Variants in OSBPL5 observed in about 807,000 individuals in gnomAD.
OSBPL5 encodes the protein oxysterol binding protein like 5.
In OSBPL5, 71 loss-of-function variants were observed where a neutral mutation model predicts 111.2. The observed-to-expected ratio is 0.64, with a 90% CI of 0.53 to 0.78. The LOEUF is 0.78. OSBPL5 is among the 30% of genes least tolerant of loss of function. OSBPL5 has a pLI of 0.00. For synonymous variants in OSBPL5, 549 were observed against 513.9 expected (o/e 1.07, Z -0.93); for missense variants, 1,210 against 1,189.3 (o/e 1.02, Z -0.26).
Position 3,092,539 on chromosome 11 carries a change from G to C in OSBPL5, c.2152C>G (p.Leu718Val). 1 of 1,590,676 alleles carries C rather than the reference G, an allele frequency of 6.3e-7. No homozygotes were observed. Among genetic ancestry groups the C allele is most frequent in the Non-Finnish European group, 8.6e-7 (1 of 1,168,710 alleles). The part of the protein sequence containing the change: ...RYEDHSPWDP[L>V]KDIAQFEQDG... ...TGCTCAAACTGGGCGATGTCCTTCA[G>C]GGGGTCCCAGGGGCTGTGGCTGGAG... Residue 718 changes from leucine (L) to valine (V), a missense_variant, in exon 19 of 22, where the codon CTG (leucine) becomes GTG (valine). By Grantham distance (32) the Leu-to-Val change is conservative (BLOSUM62 1). Transcript: ENST00000263650. The surrounding 1 kb of genome is among the most constrained non-coding windows in gnomAD (Gnocchi z 5.4).
intron 1 of OSBPL5, among the ~76,000 whole-genome samples, chr11:3,160,755 G>A (rs928358698): frequency 2.8e-5 from 4 of 143,494 alleles, no homozygotes; most frequent in Non-Finnish European, 4.5e-5. Flanking sequence ...GGGATACTGA[G>A]CTCTCCCTCC....
intron 1 of OSBPL5, chr11:3,160,883 C>G (rs1383887742): frequency 1.3e-5 from 2 of 152,186 alleles, no homozygotes; most frequent in African/African-American, 2.4e-5. Flanking sequence ...TCTGGAGGCC[C>G]GTTCCCGCCT....
rs754468226 is a variant in OSBPL5, at chr11:3,122,102, G to A, written c.301-4C>T. 1.3e-6 allele frequency: 2 copies of A among 1,560,972 alleles called. No individual in the cohort carries two copies. The highest frequency in any genetic ancestry group is 4.7e-5 in the East Asian group (2 of 42,720). On this transcript the variant is annotated splice_polypyrimidine_tract_variant and splice_region_variant and intron_variant, in intron 4 of 21. Coordinates refer to ENST00000263650, the MANE Select transcript of OSBPL5 (RefSeq NM_020896.4). ...GCCGGTAGTTCTCCTTCTGCGCCTG[G>A]GCCCGGGGCACCCGCGGTGGGTCAT...
chr11:3,117,802 T>G (rs563600827), intron 7 of OSBPL5, among the ~76,000 whole-genome samples: 1 of 152,332 alleles, frequency 6.6e-6, no homozygotes, highest in Admixed American at 6.5e-5. Flanking sequence ...TGTGCTTTCT[T>G]AAAGCCCTGC....
At chr11:3,090,428 G>A (rs1328590329) in intron 20 of OSBPL5, 130 bp downstream of exon 20, 1 of 1,306,408 alleles carries the variant, frequency 7.7e-7, no homozygotes, top group Non-Finnish European at 1.1e-6. Context: ...CCTCAGGGCA[G>A]CAGAGGAGCT....
Position 3,094,318 on chromosome 11 carries a change from C to A in OSBPL5, c.1638G>T (p.Thr546=), listed in dbSNP as rs563080709. 311 of 1,613,454 alleles carry A rather than the reference C, an allele frequency of 1.9e-4. 7 individuals are homozygous for A. In the South Asian group the frequency reaches 3.2e-3, roughly 17 times the overall value. Residue 546 remains threonine, a synonymous_variant, in exon 15 of 22, where the codon ACG becomes ACT. Coordinates refer to ENST00000263650, the MANE Select transcript of OSBPL5 (RefSeq NM_020896.4). The part of the protein sequence containing the change: ...YAHCKGILYG[T]MTLELGGKVT... ...CCTTCCCACCCAGCTCCAGGGTCATCGTGCCATACAGGATTCCTGAAATGC... is the reference window on the plus strand; with the variant it reads ...CCTTCCCACCCAGCTCCAGGGTCATAGTGCCATACAGGATTCCTGAAATGC...
chr11:3,127,842 C>G (rs1858683139), intron 2 of OSBPL5, among the ~76,000 whole-genome samples: 1 of 152,182 alleles, frequency 6.6e-6, no homozygotes, highest in South Asian at 2.1e-4. Flanking sequence ...ACACCCACCC[C>G]ACTCCCTTGG....
intron 1 of OSBPL5, among the ~76,000 whole-genome samples, chr11:3,143,269 G>C (rs1345451791): frequency 1.3e-5 from 2 of 151,518 alleles, no homozygotes; most frequent in African/African-American, 4.9e-5. Context: ...CGGGGCAGAG[G>C]AGGCAGGTAC....
In OSBPL5 at chr11:3,105,023, T is replaced by G. The variant is rs1217697947; in HGVS notation, c.1060-646A>C. ...CCTCATCTCTTCCTTTTCTGAGACA[T>G]CTAACCCTCACCACAGCTCCAGAAT... is the stretch of plus-strand genomic sequence containing the variant. On this transcript the variant is annotated intron_variant, in intron 9 of 21. Transcript: ENST00000263650. This position sits in a 1 kb window ranked among gnomAD's most constrained non-coding sequence, Gnocchi z 5.2. 6.6e-6 allele frequency among the ~76,000 whole-genome samples: 1 copy of G among 152,114 alleles called. No homozygotes were observed. The highest frequency in any genetic ancestry group is 1.9e-4 in the East Asian group (1 of 5,168).
At chr11:3,135,450 C>G (rs1028275694) in intron 1 of OSBPL5, among the ~76,000 whole-genome samples, 1 of 151,506 alleles carries the variant, frequency 6.6e-6, no homozygotes, top group African/African-American at 2.5e-5. Flanking sequence ...GGCAGCCAGG[C>G]AGAGGCCACT....
At chr11:3,116,561 G>A (rs1858213199) in intron 7 of OSBPL5, among the ~76,000 whole-genome samples, 1 of 152,148 alleles carries the variant, frequency 6.6e-6, no homozygotes, top group South Asian at 2.1e-4. Context: ...ACTAATAGAA[G>A]TGTGAAGTAA....
chr11:3,145,901 T>A (rs1235079712), intron 1 of OSBPL5, among the ~76,000 whole-genome samples: 1 of 152,188 alleles, frequency 6.6e-6, no homozygotes, highest in East Asian at 1.9e-4. Context: ...CACTCCTAGA[T>A]GACTCTGGGT....
At chr11:3,112,290 G>T (rs1015740903) in intron 7 of OSBPL5, among the ~76,000 whole-genome samples, 1 of 151,968 alleles carries the variant, frequency 6.6e-6, no homozygotes, top group African/African-American at 2.4e-5. Flanking sequence ...ACCTTCTGCC[G>T]CATGGGGGAC....
At chr11:3,094,395 C>A in intron 14 of OSBPL5, 61 bp from the exon 15 acceptor site, 1 of 1,380,672 alleles carries the variant, frequency 7.2e-7, no homozygotes, top group East Asian at 2.3e-5. Flanking sequence ...CCAGGCCCTG[C>A]TGAGTACCGA....
chr11:3,121,983 C>A lies in OSBPL5; in HGVS notation c.402+14G>T. 1 of 1,549,676 alleles carries A rather than the reference C, an allele frequency of 6.5e-7. No homozygotes were observed. Among genetic ancestry groups the A allele is most frequent in the East Asian group, 2.4e-5 (1 of 41,984 alleles). ...ACCCGTGTCCTGGGTGGCCGGAGGC[C>A]GGGCATCACCTACCTTCAGGCTGTC... On this transcript the variant is annotated intron_variant, in intron 5 of 21. Coordinates refer to ENST00000263650, the MANE Select transcript of OSBPL5 (RefSeq NM_020896.4). The surrounding 1 kb of genome is among the most constrained non-coding windows in gnomAD (Gnocchi z 4.3).
chr11:3,151,044 AT>A (rs1846567447), intron 1 of OSBPL5, among the ~76,000 whole-genome samples: 1 of 152,054 alleles, frequency 6.6e-6, no homozygotes, highest in Non-Finnish European at 1.5e-5. Flanking sequence ...TGGGGTCCTC[AT>A]CCAATGCCTG....
intron 19 of OSBPL5, among the ~76,000 whole-genome samples, chr11:3,091,660 G>T (rs561146387): frequency 3.3e-5 from 5 of 152,238 alleles, no homozygotes; most frequent in African/African-American, 1.2e-4. Flanking sequence ...GACATAGGGG[G>T]TGCATCTGTC....
chr11:3,104,273 C>T lies in OSBPL5; in HGVS notation c.1164G>A (p.Val388=), dbSNP rs779433740. Reference sequence around the variant, plus strand: ...GCGGCTCCAGTACGAACGTGGGTAGCACCACGCGGGACAGGTCCATGCCTG... The same window carrying T: ...GCGGCTCCAGTACGAACGTGGGTAGTACCACGCGGGACAGGTCCATGCCTG... The part of the protein sequence containing the change: ...LRPGMDLSRV[V]LPTFVLEPRS... Residue 388 remains valine (V), a synonymous_variant, in exon 10 of 22, where the codon GTG becomes GTA. Transcript: ENST00000263650. The surrounding 1 kb of genome is among the most constrained non-coding windows in gnomAD (Gnocchi z 5.0). The T allele has an allele frequency of 2.5e-5, 41 of 1,613,732 alleles. No homozygotes were observed. Among genetic ancestry groups the T allele is most frequent in the Non-Finnish European group, 3.5e-5 (41 of 1,179,984 alleles).
chr11:3,118,161 G>A (rs1858275206), intron 7 of OSBPL5, among the ~76,000 whole-genome samples: 1 of 152,200 alleles, frequency 6.6e-6, no homozygotes. Flanking sequence ...TAAAAAGGGG[G>A]GAAATGTGAA....
Sources: allele counts gnomAD v4.1 joint callset (sites outside exome capture counted in the v4.1 genomes callset), GRCh38; gene constraint gnomAD v4.1.1; non-coding constraint Gnocchi (gnomAD v3.1); transcripts MANE v1.5; gene names NCBI Gene and HGNC (gene_info 2026-07-23, HGNC 2026-07-21).